The following ANK2 variants were observed in gnomAD, a reference collection of about 807,000 sequenced individuals.
ANK2 encodes the protein ankyrin 2.
ANK2 carries 83 observed loss-of-function variants against 360.5 expected under a neutral mutation model. The observed-to-expected ratio is 0.23, with a 90% CI of 0.19 to 0.28. The LOEUF (loss-of-function observed/expected upper bound fraction) is 0.28. Ranked by LOEUF, ANK2 falls within the 10% of genes least tolerant of loss-of-function variation. ANK2 has a pLI of 1.00. For missense variants in ANK2, 4,201 were observed against 4,795.7 expected, an observed-to-expected ratio of 0.88 and a Z score of 3.66; for synonymous variants, 1,740 against 1,759.5, an observed-to-expected ratio of 0.99 and a Z score of 0.28.
rs1441420452 is a variant in ANK2, at chr4:113,172,807, A to G, written c.85-1609A>G. Among the ~76,000 whole-genome samples the G allele has an allele frequency of 2.0e-5, 3 of 152,372 alleles. No homozygotes were observed. In the South Asian group the frequency reaches 6.2e-4, roughly 32 times the overall value. On this transcript the variant is annotated intron_variant, in intron 1 of 45. Coordinates refer to ENST00000357077, the MANE Select transcript of ANK2 (RefSeq NM_001148.6). ...GTTTCTTGTGAGATATTAATATAAC[A>G]TAATACACAGTATTATAACTCACTT...
intron 1 of ANK2, among the ~76,000 whole-genome samples, chr4:113,075,681 A>G (rs890307457): frequency 6.6e-6 from 1 of 152,234 alleles, no homozygotes; most frequent in Admixed American, 6.5e-5. Context: ...AACAAGTAAC[A>G]GTAAGTAATG....
the ANK2 span, chr4:112,788,012 A>G: frequency 1.9e-5 from 15 of 769,392 alleles, no homozygotes; most frequent in Admixed American, 1.6e-4. Context: ...GTATTACCCA[A>G]TGTATTTCTT....
chr4:113,354,511 CCTT>C lies in ANK2; in HGVS notation c.5896_5898del (p.Ser1966del), dbSNP rs1423047517. Reference sequence around the variant, plus strand: ...AACTGAGAAGCACCTGCCTGTGTCACCTTCTGGCAAAACAGAAAAGCAACCACC... The same window carrying C: ...AACTGAGAAGCACCTGCCTGTGTCACCTGGCAAAACAGAAAAGCAACCACC... On this transcript the variant is annotated inframe_deletion, in exon 38 of 46. Coordinates refer to ENST00000357077, the MANE Select transcript of ANK2 (RefSeq NM_001148.6). The C allele has an allele frequency of 1.2e-6, 2 of 1,614,128 alleles. No homozygotes were observed. The highest frequency in any genetic ancestry group is 1.7e-6 in the Non-Finnish European group (2 of 1,179,988).
At chr4:112,790,527 G>A in the ANK2 span, among the ~76,000 whole-genome samples, 2 of 130,084 alleles carry the variant, frequency 1.5e-5, no homozygotes, top group South Asian at 2.4e-4. Flanking sequence ...TTGCTCTGTC[G>A]CCCAGGCTGG....
chr4:112,745,267 T>G, the ANK2 span, among the ~76,000 whole-genome samples: 1 of 150,464 alleles, frequency 6.6e-6, no homozygotes, highest in Admixed American at 6.6e-5. Flanking sequence ...ACTATCATTC[T>G]TTTTTAAATC....
At chr4:112,945,669 A>G (rs1265394453) in intron 2 of ANK2, among the ~76,000 whole-genome samples, 3 of 152,238 alleles carry the variant, frequency 2.0e-5, no homozygotes, top group Non-Finnish European at 2.9e-5. Flanking sequence ...ATTGACAGAC[A>G]CAGGACACCA....
chr4:112,893,982 G>A (rs940736891), intron 1 of ANK2, among the ~76,000 whole-genome samples: 24 of 152,252 alleles, frequency 1.6e-4, no homozygotes, highest in African/African-American at 4.3e-4. Flanking sequence ...GGGCAACGGA[G>A]CAACACTCCG....
At chr4:113,145,578 A>G (rs2096797689) in intron 1 of ANK2, 5 of 1,026,656 alleles carry the variant, frequency 4.9e-6, no homozygotes, top group Non-Finnish European at 5.9e-6. Flanking sequence ...CACCCCCCTC[A>G]CTCCATTGAC....
intron 1 of ANK2, among the ~76,000 whole-genome samples, chr4:112,889,211 A>G (rs1022953642): frequency 5.9e-5 from 9 of 151,610 alleles, no homozygotes; most frequent in African/African-American, 2.2e-4. Flanking sequence ...TATGAGTGCT[A>G]TAGCTGTTGG....
intron 1 of ANK2, among the ~76,000 whole-genome samples, chr4:112,845,135 T>G (rs1230301669): frequency 6.6e-6 from 1 of 152,182 alleles, no homozygotes; most frequent in African/African-American, 2.4e-5. Context: ...AAAACACTTA[T>G]CAAAACTTTT....
At chr4:112,890,912 A>G (rs181838706) in intron 1 of ANK2, among the ~76,000 whole-genome samples, 49 of 152,300 alleles carry the variant, frequency 3.2e-4, no homozygotes, top group African/African-American at 1.1e-3. Flanking sequence ...GTGCTATCCA[A>G]AGACTTTTTA....
chr4:113,223,326 A>G lies in ANK2; in HGVS notation c.385-8835A>G, dbSNP rs1388937829. On this transcript the variant is annotated intron_variant, in intron 4 of 45. Coordinates refer to ENST00000357077, the MANE Select transcript of ANK2 (RefSeq NM_001148.6). Reference sequence around the variant, plus strand: ...TGAAGAAACTTAAATCTTGACGTTGACCTGCCTGCAAAAGATGGGGTGCTT... The same window carrying G: ...TGAAGAAACTTAAATCTTGACGTTGGCCTGCCTGCAAAAGATGGGGTGCTT... Among the ~76,000 whole-genome samples the G allele has an allele frequency of 3.9e-5, 6 of 152,298 alleles. No homozygotes were observed. In the East Asian group the frequency reaches 1.2e-3, roughly 29 times the overall value.
At chr4:113,110,083 C>T (rs1296574535) in intron 1 of ANK2, among the ~76,000 whole-genome samples, 5 of 152,104 alleles carry the variant, frequency 3.3e-5, no homozygotes, top group African/African-American at 1.2e-4. Context: ...ATACCAGAGA[C>T]TGGGTAATTT....
At chr4:113,124,825 A>G (rs1263458160) in intron 1 of ANK2, among the ~76,000 whole-genome samples, 1 of 152,136 alleles carries the variant, frequency 6.6e-6, no homozygotes, top group East Asian at 1.9e-4. Flanking sequence ...CAATGTAAGT[A>G]GTATTAAGGA....
chr4:112,737,329 TCTG>T, the ANK2 span, among the ~76,000 whole-genome samples: 1 of 152,254 alleles, frequency 6.6e-6, no homozygotes, highest in African/African-American at 2.4e-5. Flanking sequence ...TCTCTGTAAA[TCTG>T]CTGCCTTTCA....
intron 2 of ANK2, among the ~76,000 whole-genome samples, chr4:113,016,811 G>A (rs756235242): frequency 6.6e-5 from 10 of 152,206 alleles, no homozygotes; most frequent in Non-Finnish European, 1.0e-4. Flanking sequence ...AGGACAAGAA[G>A]ATGTGAAGAA....
intron 1 of ANK2, among the ~76,000 whole-genome samples, chr4:113,127,021 G>A (rs2095700842): frequency 6.6e-6 from 1 of 151,510 alleles, no homozygotes; most frequent in African/African-American, 2.4e-5. Context: ...TCACTCCAAT[G>A]ATCTTTAAAA....
the ANK2 span, among the ~76,000 whole-genome samples, chr4:112,739,971 G>C: frequency 2.6e-5 from 4 of 152,038 alleles, no homozygotes; most frequent in Non-Finnish European, 5.9e-5. Flanking sequence ...ACTCTAGCCT[G>C]GGCAACAGAG....
Position 113,357,898 on chromosome 4 carries a change from C to G in ANK2, c.9280C>G (p.Pro3094Ala). 6.2e-7 allele frequency: 1 copy of G among 1,613,994 alleles called. No individual in the cohort carries two copies. Residue 3094 changes from proline to alanine, a missense_variant, in exon 38 of 46, where the codon CCA (proline) becomes GCA (alanine). Around this residue, in one of 4 missense-constraint regions of ANK2, gnomAD observed 2,642 missense variants for 2,714.5 expected, o/e 0.97. Transcript: ENST00000357077. ...PARTPTEEGTPTSEQNPFLFQ... is the reference protein window; with the variant it reads ...PARTPTEEGTATSEQNPFLFQ... ...TAGGACCCCAACTGAAGAGGGGACCCCAACAAGTGAGCAAAACCCATTTCT... is the reference window on the plus strand; with the variant it reads ...TAGGACCCCAACTGAAGAGGGGACCGCAACAAGTGAGCAAAACCCATTTCT...
Sources: gnomAD v4.1 joint callset for allele counts (sites outside exome capture counted in the v4.1 genomes callset) on GRCh38, gnomAD v4.1.1 for gene constraint, gnomAD v4.1.1 regional missense constraint, MANE v1.5 for transcripts, NCBI Gene and HGNC (gene_info 2026-07-23, HGNC 2026-07-21) for gene names.